APBB1IP: variants seen among roughly 807,000 people sequenced by gnomAD.
APBB1IP encodes the protein amyloid beta A4 precursor protein-binding family B member 1-interacting protein.
In APBB1IP, 27 loss-of-function variants were observed where a neutral mutation model predicts 64.9. The ratio of observed to expected loss-of-function variants is 0.42; its 90% CI spans 0.31 to 0.57. The LOEUF is 0.57. Among genes scored for constraint, APBB1IP ranks in the 20% least tolerant of loss-of-function variants. APBB1IP has a pLI of 0.20. For synonymous variants in APBB1IP, 392 were observed against 331.0 expected, an observed-to-expected ratio of 1.18 and a Z score of -2.00; for missense variants, 812 against 845.5, an observed-to-expected ratio of 0.96 and a Z score of 0.49.
At chr10:26,471,452 G>A (rs1835713985) in intron 2 of APBB1IP, among the ~76,000 whole-genome samples, 2 of 152,142 alleles carry the variant, frequency 1.3e-5, no homozygotes, top group South Asian at 4.1e-4. Flanking sequence ...ATTGTCAGTA[G>A]CATCTTTGAG....
intron 11 of APBB1IP, among the ~76,000 whole-genome samples, chr10:26,545,778 CA>C (rs540110601): frequency 5.4e-5 from 3 of 55,576 alleles, no homozygotes; most frequent in African/African-American, 3.4e-4. Context: ...AACAAACAAA[CA>C]AACAAAAAAA....
At position 26,483,392 on chromosome 10, in the gene APBB1IP, G is replaced by T. The variant is rs1017412853; in HGVS notation, c.1-8935G>T. Among the ~76,000 whole-genome samples, 19 of 152,134 alleles carry T rather than the reference G, an allele frequency of 1.2e-4. 3 individuals are homozygous for T. The highest frequency in any genetic ancestry group is 1.2e-3 in the Admixed American group (18 of 15,280). On this transcript the variant is annotated intron_variant, in intron 2 of 14. Transcript: ENST00000376236. ...TATAAAAGTGTTTTCATTTCACCTA[G>T]GGTGTGAGGATGGATTTAATCAGTC...
rs780973180 is a variant in APBB1IP at position 26,545,218 on chromosome 10, CT to C, written c.1155+3527del. On this transcript the variant is annotated intron_variant, in intron 11 of 14. Transcript: ENST00000376236. ...GGTCACTTATTTCCCTTTTTGTCTG[CT>C]GTTTTAAAAAAATAAAAACTCTTGC... is the stretch of plus-strand genomic sequence containing the variant. 3.9e-5 allele frequency among the ~76,000 whole-genome samples: 6 copies of C among 152,260 alleles called. No homozygotes were observed. The East Asian group carries it at 9.6e-4, about 24-fold the overall frequency.
chr10:26,563,732 A>C (rs1184226851), intron 14 of APBB1IP, among the ~76,000 whole-genome samples: 1 of 152,004 alleles, frequency 6.6e-6, no homozygotes, highest in Non-Finnish European at 1.5e-5. Context: ...CACTTCTTTC[A>C]CCCCTTCATT....
At chr10:26,445,094 CAA>C (rs76980656) in intron 2 of APBB1IP, among the ~76,000 whole-genome samples, 1 of 85,328 alleles carries the variant, frequency 1.2e-5, no homozygotes. Context: ...GAGATTCTGT[CAA>C]AAAAAAAAAA....
intron 2 of APBB1IP, among the ~76,000 whole-genome samples, chr10:26,465,067 C>T (rs1489247963): frequency 1.3e-5 from 2 of 152,178 alleles, no homozygotes; most frequent in Non-Finnish European, 2.9e-5. Context: ...CTTTCTCGCA[C>T]AGCTGTAAGA....
At chr10:26,456,096 G>A (rs1203050385) in intron 2 of APBB1IP, among the ~76,000 whole-genome samples, 1 of 152,214 alleles carries the variant, frequency 6.6e-6, no homozygotes, top group Non-Finnish European at 1.5e-5. Context: ...GGGATGGGGA[G>A]AGGAGGAGTG....
At chr10:26,472,227 A>T (rs1266576862) in intron 2 of APBB1IP, among the ~76,000 whole-genome samples, 1 of 152,232 alleles carries the variant, frequency 6.6e-6, no homozygotes, top group African/African-American at 2.4e-5. Context: ...GGCTCAGATC[A>T]TCATATCTTG....
At chr10:26,545,978 T>C (rs555317191) in intron 11 of APBB1IP, among the ~76,000 whole-genome samples, 6 of 152,242 alleles carry the variant, frequency 3.9e-5, no homozygotes, top group Non-Finnish European at 8.8e-5. Context: ...ATTGCATGAT[T>C]TCATGGCCTG....
At chr10:26,561,229 T>C (rs765089307) in intron 13 of APBB1IP, among the ~76,000 whole-genome samples, 2 of 151,106 alleles carry the variant, frequency 1.3e-5, no homozygotes, top group African/African-American at 2.4e-5. Flanking sequence ...CCACCATGCC[T>C]GGCTAATTTT....
rs141676668 is a variant in APBB1IP, at chr10:26,482,748, C to T, written c.1-9579C>T. On this transcript the variant is annotated intron_variant, in intron 2 of 14. Coordinates refer to ENST00000376236, the MANE Select transcript of APBB1IP (RefSeq NM_019043.4). The stretch of plus-strand genomic sequence containing the variant: ...CCTCAGATTTTTGAAACTTATTTCT[C>T]ATCAATTCCAGTTCTATTTTAGTTT... Among the ~76,000 whole-genome samples, 330 of 152,044 alleles carry T rather than the reference C, an allele frequency of 2.2e-3. 4 individuals are homozygous for T. The highest frequency in any genetic ancestry group is 0.02 in the Admixed American group (304 of 15,268).
intron 2 of APBB1IP, among the ~76,000 whole-genome samples, chr10:26,472,569 T>TTTCATTCATTCA (rs57015999): frequency 0.071 from 10,618 of 149,616 alleles, 438 homozygotes; most frequent in Middle Eastern, 0.13. Context: ...ATCGTGTTTG[T>TTTCATTCATTCA]TTCATTCATT....
chr10:26,503,149 T>G (rs1250259267), intron 5 of APBB1IP, 48 bp from the exon 6 acceptor site: 2 of 1,568,730 alleles, frequency 1.3e-6, no homozygotes, highest in African/African-American at 1.4e-5. Context: ...GATTACTCAC[T>G]GGTATTACTT....
At chr10:26,469,046 G>A (rs1209023261) in intron 2 of APBB1IP, among the ~76,000 whole-genome samples, 1 of 151,336 alleles carries the variant, frequency 6.6e-6, no homozygotes, top group African/African-American at 2.4e-5. Context: ...ACAGAGACCT[G>A]TGCTTTTGAC....
intron 8 of APBB1IP, among the ~76,000 whole-genome samples, chr10:26,529,813 G>A (rs1346368857): frequency 2.0e-5 from 3 of 151,952 alleles, no homozygotes; most frequent in South Asian, 2.1e-4. Flanking sequence ...ATTAATTTTT[G>A]TATTTTTAGT....
chr10:26,542,980 T>A (rs11015162), intron 11 of APBB1IP, among the ~76,000 whole-genome samples: 37,857 of 144,488 alleles, frequency 0.26, 5,928 homozygotes, highest in Non-Finnish European at 0.34. Flanking sequence ...GTAGGCCAGG[T>A]ATGCTGCTAA....
chr10:26,510,325 T>C (rs182152218), intron 6 of APBB1IP, among the ~76,000 whole-genome samples: 2 of 152,348 alleles, frequency 1.3e-5, no homozygotes, highest in African/African-American at 4.8e-5. Context: ...GGATATTGTG[T>C]TTTTACTGAA....
At chr10:26,562,165 C>T in intron 13 of APBB1IP, 161 bp from the exon 14 acceptor site, 2 of 576,344 alleles carry the variant, frequency 3.5e-6, no homozygotes, top group South Asian at 1.9e-5. Context: ...CTGTGAGTTG[C>T]TCTCTTTGCT....
chr10:26,503,946 C>A (rs1021158024), intron 6 of APBB1IP, among the ~76,000 whole-genome samples: 4 of 152,128 alleles, frequency 2.6e-5, no homozygotes, highest in African/African-American at 9.7e-5. Flanking sequence ...CAGGCAGGGG[C>A]CCTTTCAGCT....
Sources: gnomAD v4.1 joint callset for allele counts (sites outside exome capture counted in the v4.1 genomes callset) on GRCh38, gnomAD v4.1.1 for gene constraint, MANE v1.5 for transcripts, NCBI Gene and HGNC (gene_info 2026-07-23, HGNC 2026-07-21) for gene names.